Variants in MNT observed in about 807,000 individuals in gnomAD.
MNT encodes MAX network transcriptional repressor, also known as max-binding protein MNT.
MNT carries 13 observed loss-of-function variants against 40.7 expected under a neutral mutation model. That is an observed-to-expected ratio of 0.32 (90% CI 0.21 to 0.51). The LOEUF (loss-of-function observed/expected upper bound fraction) is 0.51, where lower values mean the gene tolerates loss of function less well. Ranked by LOEUF, MNT falls within the 20% of genes least tolerant of loss-of-function variation. The pLI, the probability that MNT is intolerant of heterozygous loss-of-function variation, is 0.98. For synonymous variants in MNT, 426 were observed against 354.8 expected, an observed-to-expected ratio of 1.20 and a Z score of -2.26; for missense variants, 757 against 792.0, an observed-to-expected ratio of 0.96 and a Z score of 0.53.
intron 2 of MNT, 88 bp from the exon 3 acceptor site, chr17:2,394,434 A>T: frequency 6.3e-7 from 1 of 1,585,740 alleles, no homozygotes; most frequent in Middle Eastern, 1.7e-4. Flanking sequence ...AAATTGCCAC[A>T]GGCTGTTTGT....
At position 2,400,800 on chromosome 17, in the gene MNT, A is replaced by T; in HGVS notation, c.-88T>A. 8.8e-7 allele frequency: 1 copy of T among 1,141,228 alleles called. No homozygotes were observed. The highest frequency in any genetic ancestry group is 1.2e-6 in the Non-Finnish European group (1 of 844,680). 70.7% of individuals were successfully genotyped at this position (1,141,228 alleles called of 1,614,324 possible). ...TCAGGCTGGCGGGCAGGCAGGAGGG[A>T]GGGATCACCTCCGGGGGGCGACAGG... On this transcript the variant is annotated 5_prime_UTR_variant, in exon 1 of 6. Coordinates refer to ENST00000174618, the MANE Select transcript of MNT (RefSeq NM_020310.3).
At position 2,386,917 on chromosome 17, in the gene MNT, G is replaced by A; in HGVS notation, c.1733C>T (p.Thr578Ile). The change falls in exon 6 of 6, where the codon ACA (threonine) becomes ATA (isoleucine). Residue 578 changes from threonine (T) to isoleucine (I), a missense_variant. Thr to Ile is a moderately conservative substitution (Grantham distance 89, BLOSUM62 -1). Around this residue, in one of 4 missense-constraint regions of MNT, gnomAD observed 345 missense variants for 380.1 expected, o/e 0.91. Coordinates refer to ENST00000174618, the MANE Select transcript of MNT (RefSeq NM_020310.3). ...GCCTCGTCCTCAAGCCAGCTTGAGT[G>A]TGCTGACTGGGAAGGAGGGCATGGT... Reference protein sequence around the residue: ...MVTMPSFPVSTLKLA With the variant: ...MVTMPSFPVSILKLA 6.7e-7 allele frequency: 1 copy of A among 1,482,842 alleles called. No homozygotes were observed. The allele number at this position is 1,482,842 out of a possible 1,614,324, so 91.9% of individuals were successfully genotyped here. A position where few individuals can be genotyped will look rare whatever the true frequency, so the allele number is the denominator to read the frequency against.
At chr17:2,399,552 C>T (rs1335087036) in intron 1 of MNT, among the ~76,000 whole-genome samples, 1 of 152,174 alleles carries the variant, frequency 6.6e-6, no homozygotes, top group African/African-American at 2.4e-5. Flanking sequence ...GTGAGCTCGG[C>T]TCCTCCCTCG....
In MNT at chr17:2,400,914, A is replaced by C. The variant is rs539357342; in HGVS notation, c.-202T>G. The C allele has an allele frequency of 4.6e-5, 18 of 390,740 alleles. No individual in the cohort carries two copies. Among genetic ancestry groups the C allele is most frequent in the Non-Finnish European group, 8.2e-5 (18 of 220,134 alleles). 24.2% of individuals were successfully genotyped at this position (390,740 alleles called of 1,614,324 possible). On this transcript the variant is annotated 5_prime_UTR_variant, in exon 1 of 6. Coordinates refer to ENST00000174618, the MANE Select transcript of MNT (RefSeq NM_020310.3). ...TCTCAAAATATTTGCAAAATATAAA[A>C]TTGCAAATTTAAAAAAATGGGATGC...
chr17:2,400,778 G>T lies in MNT; in HGVS notation c.-66C>A. On this transcript the variant is annotated 5_prime_UTR_variant, in exon 1 of 6. It adds an upstream start codon to the 5' untranslated region. Transcript: ENST00000174618. ...CGGCCCGCGAGCCGGGCACAGGTCA[G>T]GCTGGCGGGCAGGCAGGAGGGAGGG... 2 of 1,403,334 alleles carry T rather than the reference G, an allele frequency of 1.4e-6. No homozygotes were observed. The highest frequency in any genetic ancestry group is 1.4e-5 in the South Asian group (1 of 70,652). The allele number at this position is 1,403,334 out of a possible 1,614,324, so 86.9% of individuals were successfully genotyped here. A position where few individuals can be genotyped will look rare whatever the true frequency, so the allele number is the denominator to read the frequency against.
In MNT at chr17:2,384,291, C is replaced by T. The variant is rs1024439539; in HGVS notation, c.*2610G>A. 6.6e-6 allele frequency: 1 copy of T among 151,332 alleles called. No individual in the cohort carries two copies. Among genetic ancestry groups the T allele is most frequent in the African/African-American group, 2.4e-5 (1 of 40,918 alleles). The allele number at this position is 151,332 out of a possible 1,614,324, so 9.4% of individuals were successfully genotyped here. ...GTATCCAAACACATAAAAATCTCTACAGTCTGGGGTCGCTACAGTTTATAT... is the reference window on the plus strand; with the variant it reads ...GTATCCAAACACATAAAAATCTCTATAGTCTGGGGTCGCTACAGTTTATAT... On this transcript the variant is annotated 3_prime_UTR_variant, in exon 6 of 6. Transcript: ENST00000174618.
At position 2,387,677 on chromosome 17, in the gene MNT, G is replaced by A. The variant is rs374229181; in HGVS notation, c.1001-28C>T. On this transcript the variant is annotated intron_variant, in intron 5 of 5. Transcript: ENST00000174618. ...GTGGGGAACATGGGGCAGGGAGCAG[G>A]TCAGAAGGGCGGGGAAGCAAGTGGC... 3 of 1,611,848 alleles carry A rather than the reference G, an allele frequency of 1.9e-6. No individual in the cohort carries two copies. In the African/African-American group the frequency reaches 4.0e-5, roughly 22 times the overall value.
intron 1 of MNT, 33 bp downstream of exon 1, chr17:2,400,607 C>T: frequency 6.4e-7 from 1 of 1,564,464 alleles, no homozygotes; most frequent in Non-Finnish European, 8.6e-7. Context: ...TTCCCCTTCC[C>T]CAGTGCCCCA....
chr17:2,395,030 C>A lies in MNT; in HGVS notation c.498G>T (p.Leu166Phe). The A allele has an allele frequency of 6.3e-7, 1 of 1,592,952 alleles. No homozygotes were observed. Among genetic ancestry groups the A allele is most frequent in the South Asian group, 1.1e-5 (1 of 87,836 alleles). ...TCAGGACAGGCGTGGGGAGGGGCTG[C>A]AAAGGCTTGGGGCTGCCATTGGGTG... ...TIPPNGSPKP[L>F]QPLPTPVLTI... Residue 166 changes from leucine to phenylalanine, a missense_variant, in exon 2 of 6, where the codon TTG becomes TTT. Leu to Phe is a conservative substitution (Grantham distance 22). This residue lies in a region of MNT where 335 missense variants were observed against 291.4 expected (regional missense o/e 1.15). Transcript: ENST00000174618.
rs1390707534 is a variant in MNT at position 2,386,847 on chromosome 17, G to A, written c.*54C>T. ...GTGTGGAGCTGGTGGGTGAGAGAGT[G>A]GGGGACAGGTCCCCCTCCCTGTCCC... On this transcript the variant is annotated 3_prime_UTR_variant, in exon 6 of 6. Coordinates refer to ENST00000174618, the MANE Select transcript of MNT (RefSeq NM_020310.3). The A allele has an allele frequency of 7.0e-7, 1 of 1,427,400 alleles. No homozygotes were observed. The highest frequency in any genetic ancestry group is 9.2e-7 in the Non-Finnish European group (1 of 1,084,594). 88.4% of individuals were successfully genotyped at this position (1,427,400 alleles called of 1,614,324 possible).
At chr17:2,393,221 C>A (rs2066539256) in intron 4 of MNT, among the ~76,000 whole-genome samples, 1 of 151,742 alleles carries the variant, frequency 6.6e-6, no homozygotes, top group Non-Finnish European at 1.5e-5. Flanking sequence ...GGCCCATCCC[C>A]CACAGCCTCC....
In MNT at chr17:2,387,535, C is replaced by G. The variant is rs1209349964; in HGVS notation, c.1115G>C (p.Ser372Thr). The part of the protein sequence containing the change: ...ELLKSTLPPP[S>T]TTPAPLPPHP... ...TGGAGGCAGAGGCGCAGGGGTGGTG[C>G]TGGGGGGTGGCAGGGTGGACTTCAG... Residue 372 changes from serine (S) to threonine (T), a missense_variant, in exon 6 of 6, where the codon AGC becomes ACC. By Grantham distance (58) the Ser-to-Thr change is moderately conservative (BLOSUM62 1). Coordinates refer to ENST00000174618, the MANE Select transcript of MNT (RefSeq NM_020310.3). 1 of 1,611,992 alleles carries G rather than the reference C, an allele frequency of 6.2e-7. No individual in the cohort carries two copies.
At chr17:2,394,449 A>G in intron 2 of MNT, 103 bp from the exon 3 acceptor site, 1 of 1,544,170 alleles carries the variant, frequency 6.5e-7, no homozygotes, top group Non-Finnish European at 8.9e-7. Context: ...GTTTGTCCCC[A>G]ACACTGTCTT....
Position 2,394,100 on chromosome 17 carries a change from C to T in MNT, c.750G>A (p.Val250=). 3 of 1,609,298 alleles carry T rather than the reference C, an allele frequency of 1.9e-6. No homozygotes were observed. In the Middle Eastern group the frequency reaches 5.0e-4, roughly 268 times the overall value. The part of the protein sequence containing the change: ...FETLKRNIPN[V]DDKKTSNLSV... ...TCAGATTGGACGTCTTCTTGTCATC[C>T]ACGTTGGGGATGTTCCGCTTCAGGG... The change falls in exon 4 of 6, where the codon GTG becomes GTA. Residue 250 remains valine, a synonymous_variant. Coordinates refer to ENST00000174618, the MANE Select transcript of MNT (RefSeq NM_020310.3).
In MNT at chr17:2,387,460, GGGA is replaced by G; in HGVS notation, c.1187_1189del (p.Leu396del). ...CTGCTGTGGCTGCTGCTGCTGCACG[GGGA>G]GGTGGGCAGGAGGTAGGGCCACGGA... On this transcript the variant is annotated inframe_deletion, in exon 6 of 6. Transcript: ENST00000174618. 1.9e-6 allele frequency: 3 copies of G among 1,611,832 alleles called. No homozygotes were observed. The highest frequency in any genetic ancestry group is 1.7e-6 in the Non-Finnish European group (2 of 1,178,868).
intron 1 of MNT, among the ~76,000 whole-genome samples, chr17:2,396,255 G>A (rs2066578144): frequency 6.6e-6 from 1 of 152,136 alleles, no homozygotes; most frequent in Non-Finnish European, 1.5e-5. Context: ...AACACACTTC[G>A]TCCCTCTCTG....
rs776140821 is a variant in MNT at position 2,387,240 on chromosome 17, G to A, written c.1410C>T (p.Ile470=). 35 of 1,612,370 alleles carry A rather than the reference G, an allele frequency of 2.2e-5. No individual in the cohort carries two copies. The East Asian group carries it at 3.1e-4, about 14-fold the overall frequency. ...QGPGGKHIAH[I]APSAPSPAVQ... Reference sequence around the variant, plus strand: ...CCGCAGGGCTGGGGGCCGAGGGGGCGATGTGGGCGATGTGCTTGCCGCCTG... The same window carrying A: ...CCGCAGGGCTGGGGGCCGAGGGGGCAATGTGGGCGATGTGCTTGCCGCCTG... The change falls in exon 6 of 6, where the codon ATC becomes ATT. Residue 470 remains isoleucine, a synonymous_variant. Transcript: ENST00000174618.
Position 2,386,226 on chromosome 17 carries a change from G to C in MNT, c.*675C>G, listed in dbSNP as rs999510040. 1 of 152,292 alleles carries C rather than the reference G, an allele frequency of 6.6e-6. No individual in the cohort carries two copies. The highest frequency in any genetic ancestry group is 6.5e-5 in the Admixed American group (1 of 15,280). 9.4% of individuals were successfully genotyped at this position (152,292 alleles called of 1,614,324 possible). Reference sequence around the variant, plus strand: ...GGCACAGGAAGCTTGGCAGTGGCTGGGTTTGGTTTATTGTTGGTAGAGAAT... The same window carrying C: ...GGCACAGGAAGCTTGGCAGTGGCTGCGTTTGGTTTATTGTTGGTAGAGAAT... On this transcript the variant is annotated 3_prime_UTR_variant, in exon 6 of 6. Transcript: ENST00000174618.
At chr17:2,388,804 C>T (rs978698366) in intron 4 of MNT, among the ~76,000 whole-genome samples, 2 of 152,192 alleles carry the variant, frequency 1.3e-5, no homozygotes, top group Non-Finnish European at 2.9e-5. Flanking sequence ...CCCGACACTT[C>T]ATCAATCCCA....
Sources: allele counts gnomAD v4.1 joint callset (sites outside exome capture counted in the v4.1 genomes callset), GRCh38; gene constraint gnomAD v4.1.1; regional missense constraint gnomAD v4.1.1; transcripts MANE v1.5; gene names NCBI Gene and HGNC (gene_info 2026-07-23, HGNC 2026-07-21).